The following DHODH variants were observed in gnomAD, a reference collection of about 807,000 sequenced individuals.
DHODH encodes the protein dihydroorotate dehydrogenase (quinone), mitochondrial.
DHODH carries 30 observed loss-of-function variants against 39.7 expected under a neutral mutation model. That is an observed-to-expected ratio of 0.76 (90% confidence interval 0.57 to 1.02). The LOEUF (loss-of-function observed/expected upper bound fraction) is 1.02, where lower values mean the gene tolerates loss of function less well. DHODH is among the 50% of genes least tolerant of loss of function. DHODH has a pLI of 0.00. For synonymous variants in DHODH, 222 were observed against 213.8 expected (o/e 1.04, Z -0.34); for missense variants, 531 against 520.8 (o/e 1.02, Z -0.19).
At chr16:72,018,623 G>A (rs868823571) in intron 4 of DHODH, among the ~76,000 whole-genome samples, 2 of 152,102 alleles carry the variant, frequency 1.3e-5, no homozygotes, top group African/African-American at 4.8e-5. Flanking sequence ...CCTGGTCTAC[G>A]GAGTGAAGCG....
chr16:72,012,168 G>A lies in DHODH; in HGVS notation c.140G>A (p.Gly47Glu), dbSNP rs375174980. The A allele has an allele frequency of 5.0e-5, 80 of 1,614,136 alleles. 1 individual carries two copies. Among genetic ancestry groups the A allele is most frequent in the Admixed American group, 2.7e-4 (16 of 60,022 alleles). The stretch of plus-strand genomic sequence containing the variant: ...GAACACCTGATGCCGACTCTGCAGG[G>A]GCTGCTGGACCCGGAGTCAGCCCAC... ...YAEHLMPTLQ[G>E]LLDPESAHRL... Residue 47 changes from glycine (G) to glutamate (E), a missense_variant, in exon 2 of 9, where the codon GGG (glycine) becomes GAG (glutamate). Coordinates refer to ENST00000219240, the MANE Select transcript of DHODH (RefSeq NM_001361.5).
At chr16:72,017,180 C>G in intron 4 of DHODH, 74 bp downstream of exon 4, 1 of 1,481,342 alleles carries the variant, frequency 6.8e-7, no homozygotes, top group Non-Finnish European at 9.4e-7. Context: ...GGGAACATTT[C>G]TAGTGAAATA....
intron 4 of DHODH, among the ~76,000 whole-genome samples, chr16:72,018,997 A>G (rs1009364963): frequency 6.6e-6 from 1 of 152,132 alleles, no homozygotes; most frequent in African/African-American, 2.4e-5. Context: ...GTCTCCCGCT[A>G]TTGCCCAGGC....
chr16:72,012,347 G>C, intron 2 of DHODH, 85 bp downstream of exon 2: 3 of 1,253,172 alleles, frequency 2.4e-6, no homozygotes, highest in Non-Finnish European at 2.3e-6. Context: ...TGATCTTTTT[G>C]AAAACCAGAA....
rs1447933467 is a variant in DHODH at position 72,017,063 on chromosome 16, C to T, written c.474C>T (p.His158=). 24 of 1,613,898 alleles carry T rather than the reference C, an allele frequency of 1.5e-5. No individual in the cohort carries two copies. In the Admixed American group the frequency reaches 3.7e-4, roughly 25 times the overall value. Residue 158 remains histidine (H), a synonymous_variant, in exon 4 of 9, where the codon CAC becomes CAT. Coordinates refer to ENST00000219240, the MANE Select transcript of DHODH (RefSeq NM_001361.5). The stretch of plus-strand genomic sequence containing the variant: ...GTCACGGGCTTTCAGTGGTGGAACA[C>T]AGGTTACGGGCCAGACAGCAGAAGC... ...FNSHGLSVVE[H]RLRARQQKQA... is the part of the protein sequence containing the mutation.
At position 72,023,260 on chromosome 16, in the gene DHODH, G is replaced by A. The variant is rs2041241773; in HGVS notation, c.915G>A (p.Gly305=). 2 of 1,614,232 alleles carry A rather than the reference G, an allele frequency of 1.2e-6. No individual in the cohort carries two copies. The highest frequency in any genetic ancestry group is 1.7e-6 in the Non-Finnish European group (2 of 1,180,042). The change falls in exon 7 of 9, where the codon GGG becomes GGA. Residue 305 remains glycine, a synonymous_variant. Coordinates refer to ENST00000219240, the MANE Select transcript of DHODH (RefSeq NM_001361.5). ...GCTCTGAAACAGGAGGGCTGAGTGG[G>A]AAGCCCCTCCGGGATTTATCAACTC... ...ALRSETGGLS[G]KPLRDLSTQT... is the part of the protein sequence containing the mutation.
intron 3 of DHODH, chr16:72,016,496 A>C (rs2041142712): frequency 5.0e-6 from 1 of 199,524 alleles, no homozygotes; most frequent in Non-Finnish European, 1.0e-5. Flanking sequence ...TTAAGCATAT[A>C]TGTATGTATC....
intron 4 of DHODH, among the ~76,000 whole-genome samples, chr16:72,019,156 G>A (rs1413032914): frequency 2.0e-5 from 3 of 152,006 alleles, no homozygotes; most frequent in African/African-American, 4.8e-5. Flanking sequence ...GGGTTTCACC[G>A]TGTTGGCCAG....
At position 72,014,644 on chromosome 16, in the gene DHODH, C is replaced by T. The variant is rs1326566899; in HGVS notation, c.406C>T (p.Leu136Phe). The change falls in exon 3 of 9, where the codon CTC (leucine) becomes TTC (phenylalanine). Residue 136 changes from leucine to phenylalanine, a missense_variant. Physicochemically the swap from Leu to Phe is conservative, Grantham distance 22 (BLOSUM62 0). Coordinates refer to ENST00000219240, the MANE Select transcript of DHODH (RefSeq NM_001361.5). Reference protein sequence around the residue: ...EGNPRPRVFRLPEDQAVINRY... With the variant: ...EGNPRPRVFRFPEDQAVINRY... ...AAACCCTAGACCCAGAGTCTTCCGC[C>T]TCCCTGAGGACCAAGCTGTCATTAA... is the stretch of plus-strand genomic sequence containing the variant. 5 of 1,614,058 alleles carry T rather than the reference C, an allele frequency of 3.1e-6. No individual in the cohort carries two copies. The highest frequency in any genetic ancestry group is 4.2e-6 in the Non-Finnish European group (5 of 1,180,046).
intron 3 of DHODH, chr16:72,016,087 T>C (rs1250979089): frequency 6.3e-6 from 1 of 158,746 alleles, no homozygotes; most frequent in Non-Finnish European, 1.4e-5. Flanking sequence ...GCGTTTTCTT[T>C]TTGCTTGTCA....
chr16:72,012,190 CCA>C lies in DHODH; in HGVS notation c.165_166del (p.His55GlnfsTer21), dbSNP rs752259247. On this transcript the variant is annotated frameshift_variant, in exon 2 of 9. Coordinates refer to ENST00000219240, the MANE Select transcript of DHODH (RefSeq NM_001361.5). LOFTEE classifies it high-confidence loss of function. ...LQGLLDPESA[H>X]RLAVRFTSLG... ...AGGGGCTGCTGGACCCGGAGTCAGC[CCA>C]CAGACTGGCTGTTCGCTTCACCTCC... The C allele has an allele frequency of 5.0e-5, 80 of 1,614,010 alleles. No homozygotes were observed. The highest frequency in any genetic ancestry group is 6.6e-5 in the Non-Finnish European group (78 of 1,180,014).
chr16:72,014,428 C>T (rs780201791), intron 2 of DHODH, 45 bp from the exon 3 acceptor site: 11 of 1,567,204 alleles, frequency 7.0e-6, no homozygotes, highest in South Asian at 5.6e-5. Flanking sequence ...TGAGAAATAC[C>T]GGGATAGCCT....
rs536547425 is a variant in DHODH at position 72,021,200 on chromosome 16, G to A, written c.594G>A (p.Val198=). 24 of 1,611,036 alleles carry A rather than the reference G, an allele frequency of 1.5e-5. No individual in the cohort carries two copies. The African/African-American group carries it at 2.0e-4, about 13-fold the overall frequency. ...VDAAEDYAEG[V]RVLGPLADYL... ...CCGCGGAGGACTACGCAGAAGGGGT[G>A]CGCGTACTGGGCCCCCTGGCCGACT... The change falls in exon 5 of 9, where the codon GTG becomes GTA. Residue 198 remains valine, a synonymous_variant. Coordinates refer to ENST00000219240, the MANE Select transcript of DHODH (RefSeq NM_001361.5).
At chr16:72,022,964 G>A (rs908497765) in intron 6 of DHODH, among the ~76,000 whole-genome samples, 1 of 152,204 alleles carries the variant, frequency 6.6e-6, no homozygotes, top group South Asian at 2.1e-4. Flanking sequence ...GGTGGTCAGC[G>A]TGTGATGGCT....
At chr16:72,010,752 G>A (rs1033168427) in intron 1 of DHODH, among the ~76,000 whole-genome samples, 11 of 152,126 alleles carry the variant, frequency 7.2e-5, no homozygotes, top group Admixed American at 5.2e-4. Flanking sequence ...ACATTTTTGA[G>A]AGAGTCTGAC....
chr16:72,024,117 G>C, intron 8 of DHODH, 28 bp from the exon 9 acceptor site: 1 of 1,614,036 alleles, frequency 6.2e-7, no homozygotes. Flanking sequence ...ACTGTTTGCT[G>C]AAATTGCTTT....
rs773187468 is a variant in DHODH, at chr16:72,012,080, G to C, written c.52G>C (p.Gly18Arg). 8 of 1,614,030 alleles carry C rather than the reference G, an allele frequency of 5.0e-6. No homozygotes were observed. Among genetic ancestry groups the C allele is most frequent in the Admixed American group, 3.3e-5 (2 of 60,002 alleles). Residue 18 changes from glycine to arginine, a missense_variant, in exon 2 of 9, where the codon GGG (glycine) becomes CGG (arginine). Transcript: ENST00000219240. ...GGCCCAGGATGCTGTGATCATCCTGGGGGGAGGAGGACTTCTCTTCGCCTC... is the reference window on the plus strand; with the variant it reads ...GGCCCAGGATGCTGTGATCATCCTGCGGGGAGGAGGACTTCTCTTCGCCTC... ...KRAQDAVIIL[G>R]GGGLLFASYL...
At chr16:72,022,557 C>A in intron 6 of DHODH, 82 bp downstream of exon 6, 1 of 1,143,080 alleles carries the variant, frequency 8.7e-7, no homozygotes, top group Non-Finnish European at 1.3e-6. Flanking sequence ...CCCAGAATGG[C>A]GTTCTTTGTG....
chr16:72,022,253 T>G, intron 5 of DHODH, 109 bp from the exon 6 acceptor site: 1 of 787,900 alleles, frequency 1.3e-6, no homozygotes, highest in Non-Finnish European at 2.1e-6. Context: ...TTGTTTCTGC[T>G]TTAGTTTGAT....
Sources: gnomAD v4.1 joint callset for allele counts (sites outside exome capture counted in the v4.1 genomes callset) on GRCh38, gnomAD v4.1.1 for gene constraint, MANE v1.5 for transcripts, NCBI Gene and HGNC (gene_info 2026-07-23, HGNC 2026-07-21) for gene names.